DLG2: variants seen among roughly 807,000 people sequenced by gnomAD.
DLG2 encodes the protein discs large MAGUK scaffold protein 2, also known as disks large homolog 2.
In DLG2, 45 loss-of-function variants were observed where a neutral mutation model predicts 132.5. The ratio of observed to expected loss-of-function variants is 0.34; its 90% CI spans 0.27 to 0.44. The LOEUF (loss-of-function observed/expected upper bound fraction) is 0.44, where lower values mean the gene tolerates loss of function less well. DLG2 is among the 20% of genes least tolerant of loss of function. The pLI, the probability that DLG2 is intolerant of heterozygous loss-of-function variation, is 1.00. For synonymous variants in DLG2, 424 were observed against 419.6 expected (o/e 1.01, Z -0.13); for missense variants, 1,045 against 1,196.9 (o/e 0.87, Z 1.87).
intron 11 of DLG2, among the ~76,000 whole-genome samples, chr11:84,004,516 T>A (rs1348635069): frequency 6.6e-6 from 1 of 151,982 alleles, no homozygotes; most frequent in Non-Finnish European, 1.5e-5. Flanking sequence ...TTCTCTCTAA[T>A]AACTGGAACA....
At chr11:84,543,563 C>T (rs1286007306) in intron 6 of DLG2, among the ~76,000 whole-genome samples, 1 of 152,114 alleles carries the variant, frequency 6.6e-6, no homozygotes, top group Non-Finnish European at 1.5e-5. Context: ...GCCCCACCTG[C>T]TTGGTTTACT....
At chr11:85,047,346 C>A (rs1258422047) in intron 6 of DLG2, among the ~76,000 whole-genome samples, 2 of 151,868 alleles carry the variant, frequency 1.3e-5, no homozygotes, top group African/African-American at 4.8e-5. Context: ...AATCTAAATA[C>A]AATGAAATGC....
chr11:84,901,581 A>G (rs1566322738), intron 6 of DLG2, among the ~76,000 whole-genome samples: 1 of 152,132 alleles, frequency 6.6e-6, no homozygotes, highest in Non-Finnish European at 1.5e-5. Context: ...TAACTAGAAT[A>G]AATCTTTAAA....
chr11:84,657,197 A>C (rs2099689298), intron 6 of DLG2, among the ~76,000 whole-genome samples: 1 of 152,174 alleles, frequency 6.6e-6, no homozygotes, highest in Non-Finnish European at 1.5e-5. Context: ...AGTAATAATA[A>C]AAATAAACCT....
intron 3 of DLG2, among the ~76,000 whole-genome samples, chr11:85,345,357 G>A (rs1273360337): frequency 6.6e-6 from 1 of 151,994 alleles, no homozygotes; most frequent in Admixed American, 6.6e-5. Flanking sequence ...CAAAAGAACA[G>A]GCAAGTACAT....
chr11:83,897,411 A>C (rs1398506842), intron 15 of DLG2, among the ~76,000 whole-genome samples: 4 of 152,244 alleles, frequency 2.6e-5, no homozygotes, highest in African/African-American at 9.6e-5. Flanking sequence ...CAATGCCTTT[A>C]ACCACTAATT....
chr11:83,851,757 T>TA lies in DLG2; in HGVS notation c.1566-17988dup, dbSNP rs529416650. ...CAAATTGGTAAAACCCTATCTCTGC[T>TA]AAAAAAACAAAAATTAGCCGGGCAT... On this transcript the variant is annotated intron_variant, in intron 16 of 27. Coordinates refer to ENST00000376104, the MANE Select transcript of DLG2 (RefSeq NM_001142699.3). Among the ~76,000 whole-genome samples, 641 of 141,328 alleles carry TA rather than the reference T, an allele frequency of 4.5e-3. 4 individuals are homozygous for TA. The highest frequency in any genetic ancestry group is 0.019 in the South Asian group (84 of 4,488). The allele number at this position is 141,328 out of a possible 152,430, so 92.7% of individuals were successfully genotyped here.
chr11:84,394,812 G>T (rs2098805592), intron 7 of DLG2, among the ~76,000 whole-genome samples: 2 of 151,996 alleles, frequency 1.3e-5, no homozygotes, highest in Non-Finnish European at 2.9e-5. Flanking sequence ...AGTAGAGATG[G>T]GGTTTCACCC....
chr11:83,482,943 T>G (rs2093240321), intron 22 of DLG2, among the ~76,000 whole-genome samples: 1 of 152,072 alleles, frequency 6.6e-6, no homozygotes, highest in Non-Finnish European at 1.5e-5. Flanking sequence ...TCTATGGAGG[T>G]ATTAAGCGGC....
chr11:85,004,219 C>T (rs1425754509), intron 6 of DLG2, among the ~76,000 whole-genome samples: 1 of 152,098 alleles, frequency 6.6e-6, no homozygotes, highest in African/African-American at 2.4e-5. Flanking sequence ...ATTTATAATC[C>T]TTTGGGTATA....
intron 3 of DLG2, among the ~76,000 whole-genome samples, chr11:85,451,744 C>T (rs569933416): frequency 6.6e-6 from 1 of 152,282 alleles, no homozygotes; most frequent in African/African-American, 2.4e-5. Context: ...GCAACAGGGT[C>T]TCGCTGTGTT....
At chr11:84,433,645 A>C (rs2098991524) in intron 7 of DLG2, among the ~76,000 whole-genome samples, 1 of 152,250 alleles carries the variant, frequency 6.6e-6, no homozygotes, top group African/African-American at 2.4e-5. Flanking sequence ...ATTTAGAAAA[A>C]TGTCAATGTG....
At chr11:84,331,684 G>T (rs1478682714) in intron 7 of DLG2, among the ~76,000 whole-genome samples, 1 of 151,868 alleles carries the variant, frequency 6.6e-6, no homozygotes, top group Non-Finnish European at 1.5e-5. Context: ...AAATGCAGTT[G>T]TCAATTACAT....
chr11:84,836,662 T>C (rs138691297), intron 6 of DLG2, among the ~76,000 whole-genome samples: 70 of 151,944 alleles, frequency 4.6e-4, no homozygotes, highest in African/African-American at 1.6e-3. Flanking sequence ...AGGCAAAGTA[T>C]ACAGAAACCT....
chr11:83,778,721 C>G (rs761154482), intron 18 of DLG2, among the ~76,000 whole-genome samples: 1 of 151,934 alleles, frequency 6.6e-6, no homozygotes. Flanking sequence ...TACTCGAGGT[C>G]AAAAACTGGC....
intron 6 of DLG2, among the ~76,000 whole-genome samples, chr11:84,958,002 AC>A (rs2051953241): frequency 6.6e-6 from 1 of 152,164 alleles, no homozygotes; most frequent in South Asian, 2.1e-4. Context: ...CCATTTGGCT[AC>A]CTAGTAGATG....
chr11:85,052,147 T>C (rs186030567), intron 6 of DLG2, among the ~76,000 whole-genome samples: 1 of 152,276 alleles, frequency 6.6e-6, no homozygotes, highest in East Asian at 1.9e-4. Flanking sequence ...AAGAGAATGT[T>C]CTCTAATGTT....
chr11:85,431,772 G>T (rs970941815), intron 3 of DLG2, among the ~76,000 whole-genome samples: 1 of 152,212 alleles, frequency 6.6e-6, no homozygotes, highest in Non-Finnish European at 1.5e-5. Flanking sequence ...CCAGATGAGT[G>T]GGGTCCCCCC....
intron 7 of DLG2, among the ~76,000 whole-genome samples, chr11:84,420,916 C>T (rs933467881): frequency 1.3e-5 from 2 of 151,964 alleles, no homozygotes; most frequent in Admixed American, 6.6e-5. Context: ...GATCTGCCCG[C>T]CTCGGCCTCC....
Sources: gnomAD v4.1 joint callset for allele counts (sites outside exome capture counted in the v4.1 genomes callset) on GRCh38, gnomAD v4.1.1 for gene constraint, MANE v1.5 for transcripts, NCBI Gene and HGNC (gene_info 2026-07-23, HGNC 2026-07-21) for gene names.